The following STAG1 variants were observed in gnomAD, a reference collection of about 807,000 sequenced individuals.
STAG1 encodes cohesin subunit SA-1.
A neutral mutation model predicts 170.9 loss-of-function variants in STAG1; 26 were observed. The observed-to-expected ratio is 0.15, with a 90% CI of 0.11 to 0.21. The LOEUF is 0.21. Among genes scored for constraint, STAG1 ranks in the 10% least tolerant of loss-of-function variants. STAG1 has a pLI of 1.00. For missense variants in STAG1, 964 were observed against 1,509.5 expected (o/e 0.64, Z 5.99); for synonymous variants, 514 against 497.7 (o/e 1.03, Z -0.44).
chr3:136,588,821 T>C (rs1937986772), intron 4 of STAG1, among the ~76,000 whole-genome samples: 1 of 152,090 alleles, frequency 6.6e-6, no homozygotes, highest in South Asian at 2.1e-4. Context: ...TGGAGTGCAA[T>C]GGCACAATCT....
chr3:136,540,327 A>C (rs576435746), intron 6 of STAG1, among the ~76,000 whole-genome samples: 1 of 152,198 alleles, frequency 6.6e-6, no homozygotes, highest in African/African-American at 2.4e-5. Context: ...ATCAAACAAA[A>C]AAAAAAAACT....
intron 14 of STAG1, among the ~76,000 whole-genome samples, chr3:136,444,571 T>G (rs2088721971): frequency 6.6e-6 from 1 of 152,192 alleles, no homozygotes. Context: ...CATTCTTGGG[T>G]TATTAAACCA....
chr3:136,692,267 T>C (rs1942751592), intron 1 of STAG1, among the ~76,000 whole-genome samples: 1 of 128,416 alleles, frequency 7.8e-6, no homozygotes, highest in South Asian at 2.4e-4. Context: ...TGAGCCAAGA[T>C]CGCACCATTG....
At position 136,583,452 on chromosome 3, in the gene STAG1, G is replaced by A. The variant is rs976739117; in HGVS notation, c.298-14591C>T. Among the ~76,000 whole-genome samples the A allele has an allele frequency of 1.3e-4, 20 of 151,952 alleles. 1 individual carries two copies. On this transcript the variant is annotated intron_variant, in intron 4 of 33. Coordinates refer to ENST00000383202, the MANE Select transcript of STAG1 (RefSeq NM_005862.3). Reference sequence around the variant, plus strand: ...CCAAGTATAATTAAAATAATTTGTAGAACAATATACTGACATAAATCAGCC... The same window carrying A: ...CCAAGTATAATTAAAATAATTTGTAAAACAATATACTGACATAAATCAGCC...
chr3:136,464,630 A>G (rs2089399735), intron 13 of STAG1, among the ~76,000 whole-genome samples: 1 of 152,142 alleles, frequency 6.6e-6, no homozygotes, highest in African/African-American at 2.4e-5. Context: ...CATTCCTCCA[A>G]TCTCCACTCA....
chr3:136,540,218 T>C (rs1935824994), intron 6 of STAG1, among the ~76,000 whole-genome samples: 1 of 151,928 alleles, frequency 6.6e-6, no homozygotes, highest in Non-Finnish European at 1.5e-5. Flanking sequence ...AATAATATCT[T>C]CCTCAAGTGA....
intron 4 of STAG1, among the ~76,000 whole-genome samples, chr3:136,578,180 G>C (rs1937517203): frequency 6.6e-6 from 1 of 152,166 alleles, no homozygotes; most frequent in African/African-American, 2.4e-5. Context: ...TGGGGAATGT[G>C]GTCATTAAGA....
rs763737876 is a variant in STAG1, at chr3:136,338,335, C to T, written c.3753+35G>A. ...TTCATGCATAAACAGGACCCAGGAA[C>T]CATAAATAAAAAGCAGTAATAATTT... On this transcript the variant is annotated intron_variant, in intron 33 of 33. Transcript: ENST00000383202. 4 of 1,589,126 alleles carry T rather than the reference C, an allele frequency of 2.5e-6. No individual in the cohort carries two copies. The South Asian group carries it at 4.4e-5, about 18-fold the overall frequency.
chr3:136,472,602 T>G, intron 11 of STAG1, 110 bp from the exon 12 acceptor site: 2 of 668,016 alleles, frequency 3.0e-6, no homozygotes, highest in Non-Finnish European at 5.0e-6. Context: ...ATAGGTTAAA[T>G]AAAAAGCTTT....
chr3:136,703,066 C>CAAAA (rs1157305676), intron 1 of STAG1, among the ~76,000 whole-genome samples: 6 of 75,738 alleles, frequency 7.9e-5, no homozygotes, highest in African/African-American at 9.3e-5. Context: ...GACTCCATCT[C>CAAAA]AAAAAAAAAA....
chr3:136,468,803 T>G (rs2089543732), intron 12 of STAG1, among the ~76,000 whole-genome samples: 1 of 152,210 alleles, frequency 6.6e-6, no homozygotes, highest in African/African-American at 2.4e-5. Context: ...CAAGTTGGCT[T>G]CATCCCTGGG....
chr3:136,749,404 C>T (rs1935114893), intron 1 of STAG1, among the ~76,000 whole-genome samples: 1 of 152,160 alleles, frequency 6.6e-6, no homozygotes, highest in African/African-American at 2.4e-5. Flanking sequence ...ATGGGGACTT[C>T]AGTCACACTA....
At chr3:136,418,360 C>CAAAAAAAAAAAAAAAAAAAAAAA (rs767401141) in intron 20 of STAG1, among the ~76,000 whole-genome samples, 1 of 49,762 alleles carries the variant, frequency 2.0e-5, no homozygotes, top group African/African-American at 1.1e-4. Flanking sequence ...ACTCTGTCTC[C>CAAAAAAAAAAAAAAAAAAAAAAA]AAAAAAAAAA....
In STAG1 at chr3:136,349,353, G is replaced by A; in HGVS notation, c.3076C>T (p.Leu1026=). 1 of 1,613,006 alleles carries A rather than the reference G, an allele frequency of 6.2e-7. No homozygotes were observed. The highest frequency in any genetic ancestry group is 1.1e-5 in the South Asian group (1 of 91,046). ...RQDKKTVHSY[L]EKFLTEQMME... ...ATCTGCTCGGTAAGGAATTTCTCTA[G>A]GTATGAATGACTAGAAACACAATAG... Residue 1026 remains leucine (L), a synonymous_variant, in exon 29 of 34, where the codon CTA becomes TTA. Transcript: ENST00000383202.
intron 29 of STAG1, among the ~76,000 whole-genome samples, chr3:136,345,256 A>T (rs1936170258): frequency 6.6e-6 from 1 of 151,846 alleles, no homozygotes; most frequent in East Asian, 2.0e-4. Flanking sequence ...TGTCCAGCTA[A>T]TTTTTGTATT....
chr3:136,508,569 T>A (rs1352120724), intron 7 of STAG1, among the ~76,000 whole-genome samples: 1 of 152,190 alleles, frequency 6.6e-6, no homozygotes, highest in Non-Finnish European at 1.5e-5. Flanking sequence ...GCACCTGTAG[T>A]CTCAGCTACT....
intron 6 of STAG1, among the ~76,000 whole-genome samples, chr3:136,529,089 A>G (rs546414532): frequency 1.3e-5 from 2 of 152,190 alleles, no homozygotes; most frequent in South Asian, 4.1e-4. Context: ...CAGAGCCTGA[A>G]CACAGGTCTT....
At chr3:136,555,783 C>T (rs2107744769) in intron 5 of STAG1, among the ~76,000 whole-genome samples, 1 of 151,494 alleles carries the variant, frequency 6.6e-6, no homozygotes, top group South Asian at 2.1e-4. Flanking sequence ...CAAAAATCTT[C>T]AGGGTCCAGA....
chr3:136,450,135 T>C (rs2088895729), intron 14 of STAG1, among the ~76,000 whole-genome samples: 1 of 152,188 alleles, frequency 6.6e-6, no homozygotes, highest in Non-Finnish European at 1.5e-5. Flanking sequence ...GGGTAGTTAG[T>C]GTTTTACTAA....
Sources: allele counts gnomAD v4.1 joint callset (sites outside exome capture counted in the v4.1 genomes callset), GRCh38; gene constraint gnomAD v4.1.1; transcripts MANE v1.5; gene names NCBI Gene and HGNC (gene_info 2026-07-23, HGNC 2026-07-21).